ARMC9: variants seen among roughly 807,000 people sequenced by gnomAD.
ARMC9 encodes the protein armadillo repeat containing 9, also known as lisH domain-containing protein ARMC9.
ARMC9 carries 94 observed loss-of-function variants against 107.0 expected under a neutral mutation model. That is an observed-to-expected ratio of 0.88 (90% CI 0.74 to 1.04). ARMC9 has a LOEUF of 1.04. Ranked by LOEUF, ARMC9 falls within the 50% of genes least tolerant of loss-of-function variation. ARMC9 has a pLI of 0.00. For synonymous variants in ARMC9, 380 were observed against 396.9 expected (o/e 0.96, Z 0.51); for missense variants, 942 against 1,030.1 (o/e 0.91, Z 1.17).
In ARMC9 at chr2:231,275,218, A is replaced by T. The variant is rs183619154; in HGVS notation, c.1335-1418A>T. Among the ~76,000 whole-genome samples, 22 of 152,290 alleles carry T rather than the reference A, an allele frequency of 1.4e-4. No individual in the cohort carries two copies. The East Asian group carries it at 3.7e-3, about 25-fold the overall frequency. On this transcript the variant is annotated intron_variant, in intron 14 of 24. Coordinates refer to ENST00000611582, the MANE Select transcript of ARMC9 (RefSeq NM_001352754.2). Reference sequence around the variant, plus strand: ...AGTCTTCACTGTATTCTAATAAGCCACCCTGATTGGGTCAGTGTAGTGTTT... The same window carrying T: ...AGTCTTCACTGTATTCTAATAAGCCTCCCTGATTGGGTCAGTGTAGTGTTT...
At chr2:231,214,181 G>A (rs768102424) in intron 3 of ARMC9, among the ~76,000 whole-genome samples, 16 of 152,216 alleles carry the variant, frequency 1.1e-4, no homozygotes, top group African/African-American at 3.9e-4. Context: ...GCACTGAGCC[G>A]GTGCTCCTTC....
chr2:231,311,828 G>T (rs7580717), intron 19 of ARMC9, among the ~76,000 whole-genome samples: 28 of 146,506 alleles, frequency 1.9e-4, no homozygotes, highest in African/African-American at 6.8e-4. Context: ...GTTCCTTTCC[G>T]CAGAGAATCC....
chr2:231,218,523 A>G (rs750633146), intron 5 of ARMC9, among the ~76,000 whole-genome samples: 5 of 152,174 alleles, frequency 3.3e-5, no homozygotes, highest in Admixed American at 6.6e-5. Context: ...AGGTGGCAGT[A>G]GAGCTGGCAG....
chr2:231,241,625 T>TAAAAGAA (rs1276954463), intron 9 of ARMC9, among the ~76,000 whole-genome samples: 2 of 152,104 alleles, frequency 1.3e-5, no homozygotes, highest in Non-Finnish European at 2.9e-5. Flanking sequence ...TTTTAGTATT[T>TAAAAGAA]AAAAGAAAAT....
intron 19 of ARMC9, among the ~76,000 whole-genome samples, chr2:231,303,122 T>G (rs188461827): frequency 6.6e-6 from 1 of 152,396 alleles, no homozygotes; most frequent in South Asian, 2.1e-4. Context: ...GATGTGCTAA[T>G]GTATAGAAAT....
chr2:231,302,437 G>GTTTTTTTTTTTTTT (rs56032700), intron 19 of ARMC9, among the ~76,000 whole-genome samples: 1 of 58,072 alleles, frequency 1.7e-5, no homozygotes, highest in Non-Finnish European at 3.3e-5. Flanking sequence ...TTGTGGGTTT[G>GTTTTTTTTTTTTTT]TTTTTTTTTT....
chr2:231,314,389 A>G (rs1037279286), intron 19 of ARMC9, among the ~76,000 whole-genome samples: 2 of 152,044 alleles, frequency 1.3e-5, no homozygotes, highest in Admixed American at 1.3e-4. Context: ...TTTTCCTAAT[A>G]GTGTCTTTTG....
chr2:231,350,638 A>G (rs981770119), intron 21 of ARMC9, among the ~76,000 whole-genome samples: 1 of 151,682 alleles, frequency 6.6e-6, no homozygotes, highest in African/African-American at 2.4e-5. Flanking sequence ...AAAAAAAAGA[A>G]AAAGAAAAAG....
chr2:231,235,490 C>A, intron 8 of ARMC9, 109 bp downstream of exon 8: 1 of 1,308,586 alleles, frequency 7.6e-7, no homozygotes, highest in Non-Finnish European at 1.0e-6. Context: ...CATTCCAAGC[C>A]AGTGGCGCCT....
At chr2:231,209,439 A>G (rs2032508456) in intron 3 of ARMC9, among the ~76,000 whole-genome samples, 1 of 152,222 alleles carries the variant, frequency 6.6e-6, no homozygotes, top group Non-Finnish European at 1.5e-5. Flanking sequence ...CTCATTTGTA[A>G]TATGCCAGGT....
intron 5 of ARMC9, among the ~76,000 whole-genome samples, chr2:231,221,263 T>C (rs1278265219): frequency 2.0e-5 from 3 of 152,190 alleles, no homozygotes; most frequent in Admixed American, 1.3e-4. Flanking sequence ...CCGTCTTCCT[T>C]CTGTGTCTGT....
intron 19 of ARMC9, among the ~76,000 whole-genome samples, chr2:231,303,281 T>A (rs1032626154): frequency 3.3e-5 from 5 of 152,248 alleles, no homozygotes; most frequent in African/African-American, 9.6e-5. Flanking sequence ...ATTTTCTGTA[T>A]AACAAGATTG....
At chr2:231,263,378 G>A (rs938001173) in intron 12 of ARMC9, among the ~76,000 whole-genome samples, 1 of 152,208 alleles carries the variant, frequency 6.6e-6, no homozygotes, top group Non-Finnish European at 1.5e-5. Flanking sequence ...AGAGCATGGC[G>A]CCAGCATCTG....
At chr2:231,351,793 T>C (rs190793064) in intron 21 of ARMC9, among the ~76,000 whole-genome samples, 61 of 152,250 alleles carry the variant, frequency 4.0e-4, no homozygotes, top group Non-Finnish European at 2.9e-5. Flanking sequence ...ATTATATGCT[T>C]GGTGAACCAG....
chr2:231,223,169 G>T (rs2034318238), intron 6 of ARMC9, among the ~76,000 whole-genome samples: 1 of 152,194 alleles, frequency 6.6e-6, no homozygotes. Context: ...TCAGGCCATG[G>T]CATATGGATC....
At chr2:231,214,786 G>T (rs1277044460) in intron 3 of ARMC9, 45 bp from the exon 4 acceptor site, 1 of 1,591,772 alleles carries the variant, frequency 6.3e-7, no homozygotes. Flanking sequence ...AATTTTGGGT[G>T]TTGAAATTTA....
chr2:231,227,430 C>T (rs1431446254), intron 7 of ARMC9, among the ~76,000 whole-genome samples: 2 of 152,188 alleles, frequency 1.3e-5, no homozygotes, highest in Non-Finnish European at 2.9e-5. Flanking sequence ...AATGATGATG[C>T]TGGAAAGGGC....
At chr2:231,293,235 C>T (rs1425788266) in intron 18 of ARMC9, among the ~76,000 whole-genome samples, 1 of 152,204 alleles carries the variant, frequency 6.6e-6, no homozygotes, top group African/African-American at 2.4e-5. Context: ...TCTCAGCCCT[C>T]ATTCTGGCAT....
intron 19 of ARMC9, among the ~76,000 whole-genome samples, chr2:231,322,663 C>T (rs747400993): frequency 4.6e-5 from 7 of 152,140 alleles, no homozygotes; most frequent in Admixed American, 3.3e-4. Flanking sequence ...GGGGAAGCTT[C>T]GCATTAGGAC....
Sources: allele counts gnomAD v4.1 joint callset (sites outside exome capture counted in the v4.1 genomes callset), GRCh38; gene constraint gnomAD v4.1.1; transcripts MANE v1.5; gene names NCBI Gene and HGNC (gene_info 2026-07-23, HGNC 2026-07-21).